The following BTBD9 variants were observed in gnomAD, a reference collection of about 807,000 sequenced individuals.
The protein encoded by BTBD9 is BTB/POZ domain-containing protein 9.
In BTBD9, 49 loss-of-function variants were observed where a neutral mutation model predicts 64.3. That is an observed-to-expected ratio of 0.76 (90% confidence interval 0.61 to 0.97). The LOEUF is 0.97. Ranked by LOEUF, BTBD9 falls within the 50% of genes least tolerant of loss-of-function variation. The pLI, the probability that BTBD9 is intolerant of heterozygous loss-of-function variation, is 0.00. For missense variants in BTBD9, 598 were observed against 762.1 expected, an observed-to-expected ratio of 0.78 and a Z score of 2.53; for synonymous variants, 260 against 274.7, an observed-to-expected ratio of 0.95 and a Z score of 0.53.
intron 6 of BTBD9, among the ~76,000 whole-genome samples, chr6:38,392,982 C>T: frequency 6.7e-6 from 1 of 149,616 alleles, no homozygotes; most frequent in East Asian, 2.0e-4. Flanking sequence ...TCAAACAATT[C>T]TCCTGCCTCA....
chr6:38,428,201 G>A (rs1043049124), intron 6 of BTBD9, among the ~76,000 whole-genome samples: 7 of 151,768 alleles, frequency 4.6e-5, no homozygotes, highest in Non-Finnish European at 8.8e-5. Context: ...CTTCATGAAG[G>A]ACCTTTTAAA....
chr6:38,442,414 G>A (rs1343378024), intron 6 of BTBD9, among the ~76,000 whole-genome samples: 1 of 152,094 alleles, frequency 6.6e-6, no homozygotes, highest in Non-Finnish European at 1.5e-5. Context: ...AGGTTTCAGT[G>A]AGCCAAGATC....
At chr6:38,205,985 A>C (rs932948260) in intron 9 of BTBD9, among the ~76,000 whole-genome samples, 17 of 151,894 alleles carry the variant, frequency 1.1e-4, no homozygotes, top group African/African-American at 4.1e-4. Flanking sequence ...ATGGGATGGG[A>C]GATCCCAGGA....
chr6:38,481,468 T>A (rs1771139372), intron 6 of BTBD9, among the ~76,000 whole-genome samples: 1 of 152,162 alleles, frequency 6.6e-6, no homozygotes, highest in Non-Finnish European at 1.5e-5. Context: ...CCAAGGGAGA[T>A]AGGAAGGCAG....
At chr6:38,459,288 G>A (rs962619917) in intron 6 of BTBD9, among the ~76,000 whole-genome samples, 3 of 152,172 alleles carry the variant, frequency 2.0e-5, no homozygotes, top group African/African-American at 7.2e-5. Flanking sequence ...AAAGTGCTGG[G>A]ATTACAGGCG....
intron 9 of BTBD9, among the ~76,000 whole-genome samples, chr6:38,206,405 T>A (rs1436352614): frequency 6.6e-6 from 1 of 151,794 alleles, no homozygotes; most frequent in Admixed American, 6.6e-5. Flanking sequence ...CATGCCCAGC[T>A]AATTTTTGTA....
At chr6:38,441,386 G>C (rs1285426498) in intron 6 of BTBD9, among the ~76,000 whole-genome samples, 7 of 152,106 alleles carry the variant, frequency 4.6e-5, no homozygotes, top group African/African-American at 1.7e-4. Context: ...AGATGCTATA[G>C]AGAGTTACAG....
chr6:38,182,669 A>C lies in BTBD9; in HGVS notation c.1642-7487T>G, dbSNP rs562760725. 2.6e-5 allele frequency among the ~76,000 whole-genome samples: 4 copies of C among 152,300 alleles called. No homozygotes were observed. The South Asian group carries it at 8.3e-4, about 32-fold the overall frequency. On this transcript the variant is annotated intron_variant, in intron 10 of 10. Transcript: ENST00000481247. ...GTCTCAAAGGGCTCCAGCTGCGTCG[A>C]GGCTTCCAGCATCACCCCTCACTGC...
intron 6 of BTBD9, among the ~76,000 whole-genome samples, chr6:38,471,064 A>G (rs1213823365): frequency 1.3e-5 from 2 of 152,228 alleles, no homozygotes; most frequent in African/African-American, 2.4e-5. Flanking sequence ...ACATGTAAAT[A>G]GAGGATGGTA....
intron 6 of BTBD9, among the ~76,000 whole-genome samples, chr6:38,360,430 A>C (rs1228983726): frequency 6.6e-6 from 1 of 152,206 alleles, no homozygotes; most frequent in Admixed American, 6.5e-5. Flanking sequence ...AAATATATGA[A>C]CAAGTCAATC....
At chr6:38,411,061 G>A (rs1767404357) in intron 6 of BTBD9, among the ~76,000 whole-genome samples, 2 of 151,946 alleles carry the variant, frequency 1.3e-5, no homozygotes, top group African/African-American at 2.4e-5. Context: ...AAACTGAGGG[G>A]CAACATGCAT....
intron 6 of BTBD9, among the ~76,000 whole-genome samples, chr6:38,521,695 A>G (rs1010203937): frequency 6.6e-6 from 1 of 151,782 alleles, no homozygotes; most frequent in African/African-American, 2.4e-5. Flanking sequence ...TTTTTTTTAA[A>G]TGGAGTTTTG....
At chr6:38,598,929 T>A (rs9349093) in intron 1 of BTBD9, among the ~76,000 whole-genome samples, 9,273 of 151,808 alleles carry the variant, frequency 0.061, 665 homozygotes, top group East Asian at 0.22. Context: ...AAAAAAATAA[T>A]AATAATAATA....
chr6:38,285,767 C>T (rs574136447), intron 8 of BTBD9, among the ~76,000 whole-genome samples: 83 of 152,222 alleles, frequency 5.5e-4, no homozygotes, highest in Admixed American at 3.0e-3. Flanking sequence ...AGTTACACCC[C>T]AAGCCTACTG....
chr6:38,256,875 G>T (rs1285235737), intron 8 of BTBD9, among the ~76,000 whole-genome samples: 1 of 151,946 alleles, frequency 6.6e-6, no homozygotes, highest in Non-Finnish European at 1.5e-5. Context: ...CTGTAATTTC[G>T]AGTTGATTTT....
At chr6:38,613,181 C>A (rs902688302) in intron 1 of BTBD9, 2 of 152,086 alleles carry the variant, frequency 1.3e-5, no homozygotes, top group Non-Finnish European at 2.9e-5. Flanking sequence ...GTCCTTTCTA[C>A]TTTTTTCATC....
At chr6:38,426,080 G>T (rs894734595) in intron 6 of BTBD9, among the ~76,000 whole-genome samples, 40 of 151,808 alleles carry the variant, frequency 2.6e-4, no homozygotes, top group Admixed American at 1.1e-3. Flanking sequence ...GGAGAGGAGG[G>T]GCTGTCCAGA....
chr6:38,250,138 A>G (rs568132129), intron 9 of BTBD9, among the ~76,000 whole-genome samples: 2 of 152,332 alleles, frequency 1.3e-5, no homozygotes, highest in East Asian at 3.9e-4. Context: ...CCCAAGGTCA[A>G]TATCTTAAGA....
At chr6:38,402,116 A>G (rs1766953628) in intron 6 of BTBD9, among the ~76,000 whole-genome samples, 1 of 152,200 alleles carries the variant, frequency 6.6e-6, no homozygotes, top group Non-Finnish European at 1.5e-5. Flanking sequence ...AAAAGAATAA[A>G]ATATTTAAAA....
Sources: allele counts gnomAD v4.1 joint callset (sites outside exome capture counted in the v4.1 genomes callset), GRCh38; gene constraint gnomAD v4.1.1; transcripts MANE v1.5; gene names NCBI Gene and HGNC (gene_info 2026-07-23, HGNC 2026-07-21).